The following GDAP1 variants were observed in gnomAD, a reference collection of about 807,000 sequenced individuals.
GDAP1 encodes the protein ganglioside induced differentiation associated protein 1, also known as ganglioside-induced differentiation-associated protein 1.
A neutral mutation model predicts 40.1 loss-of-function variants in GDAP1; 34 were observed. The observed-to-expected ratio is 0.85, with a 90% CI of 0.64 to 1.13. The LOEUF (loss-of-function observed/expected upper bound fraction) is 1.13. GDAP1 is among the 50% of genes most tolerant of loss of function. The pLI, the probability that GDAP1 is intolerant of heterozygous loss-of-function variation, is 0.00. For synonymous variants in GDAP1, 170 were observed against 157.4 expected (o/e 1.08, Z -0.60); for missense variants, 374 against 433.7 (o/e 0.86, Z 1.22).
chr8:74,432,422 A>T (rs891514963), intron 2 of GDAP1, among the ~76,000 whole-genome samples: 1 of 152,172 alleles, frequency 6.6e-6, no homozygotes, highest in Non-Finnish European at 1.5e-5. Flanking sequence ...TGCTTATAAT[A>T]TTTGTCACTT....
intron 2 of GDAP1, among the ~76,000 whole-genome samples, chr8:74,356,983 G>A (rs1041254408): frequency 6.6e-6 from 1 of 152,050 alleles, no homozygotes; most frequent in Non-Finnish European, 1.5e-5. Flanking sequence ...CCAAAGTGCT[G>A]GGATTACAGG....
At chr8:74,444,068 A>G (rs1806198581) in intron 2 of GDAP1, among the ~76,000 whole-genome samples, 1 of 151,904 alleles carries the variant, frequency 6.6e-6, no homozygotes, top group Admixed American at 6.6e-5. Flanking sequence ...ATAATGTAAT[A>G]GGGTAAAGCA....
intron 2 of GDAP1, among the ~76,000 whole-genome samples, chr8:74,456,047 AT>A (rs1411193529): frequency 2.0e-5 from 3 of 151,984 alleles, no homozygotes; most frequent in Non-Finnish European, 4.4e-5. Flanking sequence ...TATGTAGAAA[AT>A]AATGCAATTT....
At chr8:74,351,672 ATAATT>A (rs1053381388) in intron 2 of GDAP1, among the ~76,000 whole-genome samples, 2 of 152,170 alleles carry the variant, frequency 1.3e-5, no homozygotes, top group Non-Finnish European at 2.9e-5. Context: ...GCTATTTAAA[ATAATT>A]TAATGCAAAA....
chr8:74,457,072 T>G (rs1209883982), intron 2 of GDAP1, among the ~76,000 whole-genome samples: 1 of 152,092 alleles, frequency 6.6e-6, no homozygotes, highest in Admixed American at 6.5e-5. Context: ...CCAGCAAAAT[T>G]TATTCATTGT....
chr8:74,422,868 A>G (rs1436864777), intron 2 of GDAP1, among the ~76,000 whole-genome samples: 1 of 151,732 alleles, frequency 6.6e-6, no homozygotes, highest in African/African-American at 2.4e-5. Flanking sequence ...GTCACAAAAG[A>G]CAGGGACTAG....
chr8:74,426,188 A>G (rs1381303739), intron 2 of GDAP1, among the ~76,000 whole-genome samples: 2 of 152,220 alleles, frequency 1.3e-5, no homozygotes, highest in African/African-American at 2.4e-5. Context: ...AAGTGCAAAC[A>G]TAGTGCAAAT....
intron 2 of GDAP1, among the ~76,000 whole-genome samples, chr8:74,395,495 A>G (rs1017598344): frequency 1.3e-5 from 2 of 152,196 alleles, no homozygotes; most frequent in Non-Finnish European, 2.9e-5. Context: ...ATAAAAGACA[A>G]CTTCATTGTG....
intron 2 of GDAP1, among the ~76,000 whole-genome samples, chr8:74,387,612 T>C (rs1209167086): frequency 2.6e-5 from 4 of 152,240 alleles, no homozygotes; most frequent in African/African-American, 9.6e-5. Context: ...TTTGTATCAA[T>C]GTTCATCAGG....
intron 2 of GDAP1, among the ~76,000 whole-genome samples, chr8:74,443,143 A>T (rs569044818): frequency 7.2e-5 from 11 of 152,332 alleles, no homozygotes; most frequent in Admixed American, 3.3e-4. Flanking sequence ...TAGTGTGGTA[A>T]GAAGGAAGTG....
At chr8:74,447,275 T>C (rs1806241178) in intron 2 of GDAP1, among the ~76,000 whole-genome samples, 1 of 152,178 alleles carries the variant, frequency 6.6e-6, no homozygotes, top group Admixed American at 6.5e-5. Context: ...GATGCCGCTA[T>C]GTCTTTCTCA....
In GDAP1 at chr8:74,402,351, TC is replaced by T. The variant is rs1478273681; in HGVS notation, c.165+51032del. On this transcript the variant is annotated intron_variant, in intron 2 of 2. Coordinates refer to the GDAP1 transcript ENST00000523640. The stretch of plus-strand genomic sequence containing the variant: ...GCGAGACTCCGTGGGCGTAGGACCC[TC>T]CGAGCCAGTTGCGGGATATAATCTC... Among the ~76,000 whole-genome samples, 41 of 150,574 alleles carry T rather than the reference TC, an allele frequency of 2.7e-4. No homozygotes were observed. The East Asian group carries it at 7.3e-3, about 27-fold the overall frequency.
intron 4 of GDAP1, 43 bp downstream of exon 4, chr8:74,362,021 G>A (rs1389520604): frequency 3.1e-6 from 3 of 980,698 alleles, no homozygotes; most frequent in Non-Finnish European, 3.3e-6. Context: ...ACTGCACGGA[G>A]TAAATGTTCT....
intron 2 of GDAP1, among the ~76,000 whole-genome samples, chr8:74,443,984 A>G (rs762389842): frequency 0.027 from 2,314 of 85,992 alleles, 18 homozygotes; most frequent in Non-Finnish European, 0.043. Context: ...CTGTCTGTCT[A>G]TCTATCTATC....
Position 74,364,164 on chromosome 8 carries a change from G to T in GDAP1, c.874G>T (p.Val292Phe). 6.2e-7 allele frequency: 1 copy of T among 1,614,106 alleles called. No individual in the cohort carries two copies. Among genetic ancestry groups the T allele is most frequent in the South Asian group, 1.1e-5 (1 of 91,078 alleles). The change falls in exon 6 of 6, where the codon GTT (valine) becomes TTT (phenylalanine). Residue 292 changes from valine to phenylalanine, a missense_variant. Val to Phe is a conservative substitution (Grantham distance 50). Transcript: ENST00000220822. ...CTTGAAGAGAAAAACATTTAACAAG[G>T]TTTTAGGACATGTCAACAATATATT... ...RVLKRKTFNKVLGHVNNILIS... is the reference protein window; with the variant it reads ...RVLKRKTFNKFLGHVNNILIS...
At chr8:74,416,377 G>A (rs994124504) in intron 2 of GDAP1, among the ~76,000 whole-genome samples, 1 of 150,074 alleles carries the variant, frequency 6.7e-6, no homozygotes, top group African/African-American at 2.5e-5. Context: ...TTGGCTGGAG[G>A]CCAATAAACA....
At chr8:74,465,540 C>T (rs1158602904) in intron 2 of GDAP1, among the ~76,000 whole-genome samples, 8 of 152,190 alleles carry the variant, frequency 5.3e-5, no homozygotes, top group Non-Finnish European at 1.0e-4. Flanking sequence ...TTCCCCAACA[C>T]AGTCTCCATC....
At chr8:74,406,466 A>T (rs1480341413) in intron 2 of GDAP1, among the ~76,000 whole-genome samples, 1 of 150,240 alleles carries the variant, frequency 6.7e-6, no homozygotes, top group Non-Finnish European at 1.5e-5. Context: ...ATACCAAGAA[A>T]ATCTGGTCTG....
At chr8:74,375,744 T>C (rs764140219) in intron 2 of GDAP1, among the ~76,000 whole-genome samples, 4 of 152,202 alleles carry the variant, frequency 2.6e-5, no homozygotes, top group Non-Finnish European at 5.9e-5. Flanking sequence ...GTATTTACTG[T>C]CATCACTTCT....
Sources: allele counts gnomAD v4.1 joint callset (sites outside exome capture counted in the v4.1 genomes callset), GRCh38; gene constraint gnomAD v4.1.1; transcripts MANE v1.5; gene names NCBI Gene and HGNC (gene_info 2026-07-23, HGNC 2026-07-21).